Variants in NSUN2 observed in about 807,000 individuals in gnomAD.
NSUN2 encodes NOP2/Sun RNA methyltransferase 2.
A neutral mutation model predicts 92.7 loss-of-function variants in NSUN2; 63 were observed. The observed-to-expected ratio is 0.68, with a 90% CI of 0.56 to 0.84. The LOEUF is 0.84. Ranked by LOEUF, NSUN2 falls within the 40% of genes least tolerant of loss-of-function variation. NSUN2 has a pLI of 0.00. For missense variants in NSUN2, 989 were observed against 964.9 expected (o/e 1.02, Z -0.33); for synonymous variants, 356 against 348.3 (o/e 1.02, Z -0.25).
Position 6,606,851 on chromosome 5 carries a change from G to A in NSUN2, c.1570C>T (p.Pro524Ser), listed in dbSNP as rs748099374. The stretch of plus-strand genomic sequence containing the variant: ...GGTGGAAATAATGGGTCATCTTCAG[G>A]AATAAATACAAATGGATCTTCTTTA... ...GFKEDPFVFI[P>S]EDDPLFPPIE... The change falls in exon 14 of 19, where the codon CCT (proline) becomes TCT (serine). Residue 524 changes from proline to serine, a missense_variant. Physicochemically the swap from Pro to Ser is moderately conservative, Grantham distance 74. This residue lies in a region of NSUN2 where 626 missense variants were observed against 602.3 expected (regional missense o/e 1.04). Transcript: ENST00000264670. 1.9e-6 allele frequency: 3 copies of A among 1,594,192 alleles called. No individual in the cohort carries two copies. The South Asian group carries it at 3.3e-5, about 18-fold the overall frequency.
chr5:6,601,419 G>A (rs994427568), intron 18 of NSUN2, among the ~76,000 whole-genome samples: 1 of 151,746 alleles, frequency 6.6e-6, no homozygotes, highest in African/African-American at 2.4e-5. Flanking sequence ...CCTCCAGCAG[G>A]TCCCCAGGGT....
At chr5:6,601,193 G>C (rs1043239104) in intron 18 of NSUN2, among the ~76,000 whole-genome samples, 4 of 151,632 alleles carry the variant, frequency 2.6e-5, no homozygotes, top group African/African-American at 9.7e-5. Context: ...TCCTGAAGTT[G>C]ACCTGTCACC....
Position 6,606,880 on chromosome 5 carries a change from C to G in NSUN2, c.1541G>C (p.Gly514Ala). Residue 514 changes from glycine (G) to alanine (A), a missense_variant, in exon 14 of 19, where the codon GGA becomes GCA. Coordinates refer to ENST00000264670, the MANE Select transcript of NSUN2 (RefSeq NM_017755.6). ...AAATACAAATGGATCTTCTTTAAAT[C>G]CAAATAACTTCATTTTCTTTGATGG... ...PPPSKKMKLF[G>A]FKEDPFVFIP... 6.3e-7 allele frequency: 1 copy of G among 1,594,582 alleles called. No individual in the cohort carries two copies. Among genetic ancestry groups the G allele is most frequent in the Non-Finnish European group, 8.6e-7 (1 of 1,162,808 alleles).
chr5:6,606,966 A>C, intron 13 of NSUN2, 54 bp from the exon 14 acceptor site: 2 of 1,132,728 alleles, frequency 1.8e-6, no homozygotes, highest in Non-Finnish European at 1.3e-6. Flanking sequence ...GGTAACCTTC[A>C]ATACCAAAAG....
At chr5:6,610,202 T>C (rs904969688) in intron 11 of NSUN2, among the ~76,000 whole-genome samples, 8 of 152,076 alleles carry the variant, frequency 5.3e-5, no homozygotes, top group African/African-American at 1.4e-4. Context: ...GAGCTGGGAC[T>C]ACAGGCATGC....
At chr5:6,612,264 C>T (rs1312628155) in intron 9 of NSUN2, among the ~76,000 whole-genome samples, 7 of 152,200 alleles carry the variant, frequency 4.6e-5, no homozygotes, top group Non-Finnish European at 7.3e-5. Context: ...GCTCCGTCTC[C>T]CCATTCCAAT....
intron 10 of NSUN2, among the ~76,000 whole-genome samples, chr5:6,611,520 A>G (rs182549682): frequency 6.6e-4 from 97 of 146,278 alleles, no homozygotes; most frequent in African/African-American, 2.4e-3. Context: ...GTACGTGGAG[A>G]AAAAAAAACT....
chr5:6,601,249 G>A (rs997557563), intron 18 of NSUN2, among the ~76,000 whole-genome samples: 4 of 152,026 alleles, frequency 2.6e-5, no homozygotes, highest in African/African-American at 9.7e-5. Context: ...ATGGAAAAGT[G>A]AATCCACACC....
At chr5:6,610,227 C>A (rs956526111) in intron 11 of NSUN2, among the ~76,000 whole-genome samples, 1 of 151,934 alleles carries the variant, frequency 6.6e-6, no homozygotes, top group Non-Finnish European at 1.5e-5. Flanking sequence ...CACTGCCTGG[C>A]CAGTTTTTGT....
Position 6,605,351 on chromosome 5 carries a change from T to C in NSUN2, c.1659A>G (p.Thr553=), listed in dbSNP as rs1736724779. ...TGTAGAGCTGCCTTTTCTTCCCTTC[T>C]GTAGTCCGAGTTAACAAATTCATCC... ...FPRMNLLTRT[T]EGKKRQLYMV... is the part of the protein sequence containing the mutation. Residue 553 remains threonine (T), a synonymous_variant, in exon 15 of 19, where the codon ACA becomes ACG. Transcript: ENST00000264670. The C allele has an allele frequency of 1.2e-6, 2 of 1,614,240 alleles. No homozygotes were observed. Among genetic ancestry groups the C allele is most frequent in the East Asian group, 2.2e-5 (1 of 44,888 alleles).
At chr5:6,627,880 GTTAC>G (rs767291428) in intron 3 of NSUN2, among the ~76,000 whole-genome samples, 96 of 152,156 alleles carry the variant, frequency 6.3e-4, no homozygotes, top group African/African-American at 2.2e-3. Context: ...TTAATTTTTA[GTTAC>G]TTACTTCAAA....
chr5:6,629,526 G>A (rs541119869), intron 3 of NSUN2, among the ~76,000 whole-genome samples: 3 of 152,260 alleles, frequency 2.0e-5, no homozygotes, highest in South Asian at 4.1e-4. Flanking sequence ...TTCTTATCCC[G>A]TCTCTGCGCT....
rs770387626 is a variant in NSUN2 at position 6,618,030 on chromosome 5, A to C, written c.816-6T>G. 1 of 1,611,344 alleles carries C rather than the reference A, an allele frequency of 6.2e-7. No individual in the cohort carries two copies. Among genetic ancestry groups the C allele is most frequent in the Non-Finnish European group, 8.5e-7 (1 of 1,177,732 alleles). On this transcript the variant is annotated splice_polypyrimidine_tract_variant and splice_region_variant and intron_variant, in intron 7 of 18. Transcript: ENST00000264670. Reference sequence around the variant, plus strand: ...TTCTCATAGTGCCGTCTCCACTGGAAAAAAGATATTTATGAGTGCAAAGCT... The same window carrying C: ...TTCTCATAGTGCCGTCTCCACTGGACAAAAGATATTTATGAGTGCAAAGCT...
In NSUN2 at chr5:6,620,131, G is replaced by C. The variant is rs868442196; in HGVS notation, c.790C>G (p.Arg264Gly). 1 of 1,599,802 alleles carries C rather than the reference G, an allele frequency of 6.3e-7. No individual in the cohort carries two copies. The highest frequency in any genetic ancestry group is 8.5e-7 in the Non-Finnish European group (1 of 1,175,088). Reference protein sequence around the residue: ...DGRKEILFYDRILCDVPCSGD... With the variant: ...DGRKEILFYDGILCDVPCSGD... ...CTGCAAGGGACATCACATAAAATTC[G>C]ATCATAGAAGAGGATCTCTTTCCTG... is the stretch of plus-strand genomic sequence containing the variant. Residue 264 changes from arginine to glycine, a missense_variant, in exon 7 of 19, where the codon CGA becomes GGA. By Grantham distance (125) the Arg-to-Gly change is moderately radical. This residue lies in a region of NSUN2 where 7 missense variants were observed against 24.1 expected (regional missense o/e 0.29). Coordinates refer to ENST00000264670, the MANE Select transcript of NSUN2 (RefSeq NM_017755.6).
At position 6,599,658 on chromosome 5, in the gene NSUN2, C is replaced by T. The variant is rs1461403342; in HGVS notation, c.*268G>A. 4.9e-6 allele frequency: 2 copies of T among 406,452 alleles called. No homozygotes were observed. Among genetic ancestry groups the T allele is most frequent in the South Asian group, 5.8e-5 (1 of 17,148 alleles). 25.2% of individuals were successfully genotyped at this position (406,452 alleles called of 1,614,324 possible). On this transcript the variant is annotated 3_prime_UTR_variant, in exon 19 of 19. Transcript: ENST00000264670. ...AAGTACAACTTTTGAAAGTCTATTC[C>T]CAGCAAAAGAAACACTAGACCCAGC...
chr5:6,613,816 G>T (rs1451293330), intron 9 of NSUN2, among the ~76,000 whole-genome samples: 1 of 152,126 alleles, frequency 6.6e-6, no homozygotes, highest in Non-Finnish European at 1.5e-5. Context: ...AGCCTGCCAG[G>T]CCAGGCATGG....
intron 15 of NSUN2, 28 bp downstream of exon 15, chr5:6,605,245 C>G: frequency 6.2e-7 from 1 of 1,612,724 alleles, no homozygotes; most frequent in Non-Finnish European, 8.5e-7. Flanking sequence ...CCGCATCACA[C>G]AGCACTCAGC....
At chr5:6,605,528 C>G in intron 14 of NSUN2, 120 bp from the exon 15 acceptor site, 1 of 994,772 alleles carries the variant, frequency 1.0e-6, no homozygotes, top group Non-Finnish European at 1.5e-6. Flanking sequence ...GGTTCAAGGG[C>G]ACTGGGCTCT....
chr5:6,632,591 C>T lies in NSUN2; in HGVS notation c.254+8G>A, dbSNP rs1737969279. The T allele has an allele frequency of 6.2e-7, 1 of 1,613,476 alleles. No homozygotes were observed. Among genetic ancestry groups the T allele is most frequent in the East Asian group, 2.2e-5 (1 of 44,884 alleles). ...CAACTCCCAAAAAATCAGGCACTGC[C>T]TCCCTACCTTTTGTAACCAGTAATT... On this transcript the variant is annotated splice_region_variant and intron_variant, in intron 2 of 18. Transcript: ENST00000264670.
Sources: allele counts gnomAD v4.1 joint callset (sites outside exome capture counted in the v4.1 genomes callset), GRCh38; gene constraint gnomAD v4.1.1; regional missense constraint gnomAD v4.1.1; transcripts MANE v1.5; gene names NCBI Gene and HGNC (gene_info 2026-07-23, HGNC 2026-07-21).